The following SLC9A9 variants were observed in gnomAD, a reference collection of about 807,000 sequenced individuals.
SLC9A9 encodes the protein solute carrier family 9 member A9, also known as sodium/hydrogen exchanger 9.
In SLC9A9, 62 loss-of-function variants were observed where a neutral mutation model predicts 77.8. The observed-to-expected ratio is 0.80, with a 90% CI of 0.65 to 0.98. The LOEUF (loss-of-function observed/expected upper bound fraction) is 0.98, where lower values mean the gene tolerates loss of function less well. Among genes scored for constraint, SLC9A9 ranks in the 50% least tolerant of loss-of-function variants. SLC9A9 has a pLI of 0.00. For missense variants in SLC9A9, 775 were observed against 774.9 expected, an observed-to-expected ratio of 1.00 and a Z score of 0.00; for synonymous variants, 320 against 283.5, an observed-to-expected ratio of 1.13 and a Z score of -1.29.
intron 12 of SLC9A9, among the ~76,000 whole-genome samples, chr3:143,407,593 A>G (rs983748510): frequency 6.6e-6 from 1 of 152,126 alleles, no homozygotes; most frequent in Non-Finnish European, 1.5e-5. Flanking sequence ...ACCAGGGCCT[A>G]TGGGTTCTCT....
intron 12 of SLC9A9, among the ~76,000 whole-genome samples, chr3:143,394,567 ACT>A (rs2033652797): frequency 6.6e-6 from 1 of 151,998 alleles, no homozygotes; most frequent in Non-Finnish European, 1.5e-5. Context: ...CTCTCTCACC[ACT>A]CTTATTCAAC....
At chr3:143,555,059 G>T (rs554994533) in intron 8 of SLC9A9, among the ~76,000 whole-genome samples, 1 of 152,230 alleles carries the variant, frequency 6.6e-6, no homozygotes, top group South Asian at 2.1e-4. Context: ...ATCTCATCTT[G>T]TTGTAGTTCT....
intron 12 of SLC9A9, among the ~76,000 whole-genome samples, chr3:143,397,331 C>T (rs184494023): frequency 6.6e-6 from 1 of 152,268 alleles, no homozygotes; most frequent in Non-Finnish European, 1.5e-5. Flanking sequence ...AGTGGATTCG[C>T]TTTTTAAAAT....
chr3:143,334,549 A>G (rs887333470), intron 14 of SLC9A9, among the ~76,000 whole-genome samples: 2 of 152,326 alleles, frequency 1.3e-5, no homozygotes, highest in African/African-American at 2.4e-5. Context: ...TTTGAGCCTC[A>G]GTGTTCTCTT....
chr3:143,294,808 C>A (rs955907146), intron 14 of SLC9A9, among the ~76,000 whole-genome samples: 5 of 152,188 alleles, frequency 3.3e-5, no homozygotes, highest in African/African-American at 1.2e-4. Flanking sequence ...GGGATTCCAA[C>A]CTTGATGTGT....
chr3:143,427,553 A>G (rs2034430046), intron 12 of SLC9A9, among the ~76,000 whole-genome samples: 1 of 152,248 alleles, frequency 6.6e-6, no homozygotes, highest in African/African-American at 2.4e-5. Flanking sequence ...AAGGACAAGC[A>G]TTATATGCAA....
intron 4 of SLC9A9, among the ~76,000 whole-genome samples, chr3:143,725,908 A>AG: frequency 6.6e-6 from 1 of 150,926 alleles, no homozygotes; most frequent in Middle Eastern, 3.4e-3. Flanking sequence ...AAAGAAAAAA[A>AG]TGATCCTTTG....
chr3:143,339,524 AT>A (rs2032030397), intron 14 of SLC9A9, among the ~76,000 whole-genome samples: 1 of 104,768 alleles, frequency 9.5e-6, no homozygotes, highest in African/African-American at 5.2e-5. Context: ...TTTATGTTAC[AT>A]TCCCCCCCTT....
intron 2 of SLC9A9, among the ~76,000 whole-genome samples, chr3:143,825,065 T>C (rs2009264550): frequency 6.6e-6 from 1 of 152,172 alleles, no homozygotes; most frequent in Admixed American, 6.5e-5. Flanking sequence ...GAAGAATAAT[T>C]GATAGTATCC....
At chr3:143,764,417 T>C (rs184014627) in intron 4 of SLC9A9, among the ~76,000 whole-genome samples, 173 of 152,354 alleles carry the variant, frequency 1.1e-3, no homozygotes, top group Non-Finnish European at 1.6e-3. Flanking sequence ...ATTCAACTTA[T>C]ATTCCCACAA....
intron 1 of SLC9A9, among the ~76,000 whole-genome samples, chr3:143,836,839 T>C (rs1288108757): frequency 6.6e-6 from 1 of 152,208 alleles, no homozygotes; most frequent in Non-Finnish European, 1.5e-5. Context: ...AAATAAAATA[T>C]GATTTTGCCC....
intron 12 of SLC9A9, among the ~76,000 whole-genome samples, chr3:143,405,279 C>T (rs1053681446): frequency 2.6e-5 from 4 of 152,198 alleles, no homozygotes; most frequent in African/African-American, 9.7e-5. Flanking sequence ...GCATAAGTTC[C>T]TCCCTGCTCC....
intron 4 of SLC9A9, among the ~76,000 whole-genome samples, chr3:143,727,711 A>G (rs1934692020): frequency 6.6e-6 from 1 of 152,224 alleles, no homozygotes; most frequent in African/African-American, 2.4e-5. Flanking sequence ...GACAGCTGAG[A>G]AAATAAAACG....
chr3:143,444,941 G>A (rs1298546935), intron 12 of SLC9A9, among the ~76,000 whole-genome samples: 1 of 152,138 alleles, frequency 6.6e-6, no homozygotes, highest in Non-Finnish European at 1.5e-5. Flanking sequence ...GCCCTCTGAT[G>A]GGCAGTTTCC....
At chr3:143,599,245 T>A (rs751898443) in intron 6 of SLC9A9, among the ~76,000 whole-genome samples, 1 of 152,230 alleles carries the variant, frequency 6.6e-6, no homozygotes, top group Non-Finnish European at 1.5e-5. Context: ...CATAATTATG[T>A]TTCTGAATTT....
chr3:143,303,801 T>G (rs1465971853), intron 14 of SLC9A9, among the ~76,000 whole-genome samples: 1 of 152,178 alleles, frequency 6.6e-6, no homozygotes, highest in Non-Finnish European at 1.5e-5. Flanking sequence ...CTTGCAAAAC[T>G]TGCCAGGCCC....
intron 14 of SLC9A9, among the ~76,000 whole-genome samples, chr3:143,311,803 C>T (rs987479555): frequency 2.0e-5 from 3 of 152,156 alleles, no homozygotes; most frequent in African/African-American, 7.2e-5. Flanking sequence ...ATACTTTGCT[C>T]TCATGTGTAC....
rs538999716 is a variant in SLC9A9, at chr3:143,645,697, T to C, written c.755+6558A>G. Among the ~76,000 whole-genome samples the C allele has an allele frequency of 5.1e-4, 77 of 152,318 alleles. 1 individual carries two copies. The highest frequency in any genetic ancestry group is 1.8e-3 in the African/African-American group (75 of 41,570). On this transcript the variant is annotated intron_variant, in intron 6 of 15. Transcript: ENST00000316549. Reference sequence around the variant, plus strand: ...CCAAGCGTTCACTGGTATCACACTTTAAATGACATTATCTAGCAAGAACTT... The same window carrying C: ...CCAAGCGTTCACTGGTATCACACTTCAAATGACATTATCTAGCAAGAACTT...
chr3:143,449,869 T>C (rs1226982349), intron 12 of SLC9A9, among the ~76,000 whole-genome samples: 1 of 82,748 alleles, frequency 1.2e-5, no homozygotes, highest in Non-Finnish European at 2.0e-5. Context: ...ATATATAAAA[T>C]ATATAATTAT....
Sources: allele counts gnomAD v4.1 joint callset (sites outside exome capture counted in the v4.1 genomes callset), GRCh38; gene constraint gnomAD v4.1.1; transcripts MANE v1.5; gene names NCBI Gene and HGNC (gene_info 2026-07-23, HGNC 2026-07-21).